Variants in VWA8 observed in about 807,000 individuals in gnomAD.
The protein encoded by VWA8 is von Willebrand factor A domain-containing protein 8.
Under a neutral mutation model 241.5 loss-of-function variants are expected in VWA8, and 221 were observed. The observed-to-expected ratio is 0.91, with a 90% CI of 0.82 to 1.02. The LOEUF is 1.02. Among genes scored for constraint, VWA8 ranks in the 50% least tolerant of loss-of-function variants. The probability of loss-of-function intolerance (pLI) is 0.00; values close to 1 mark genes in which losing one functional copy is unlikely to be tolerated. For missense variants in VWA8, 2,322 were observed against 2,328.7 expected, an observed-to-expected ratio of 1.00 and a Z score of 0.06; for synonymous variants, 852 against 827.1, an observed-to-expected ratio of 1.03 and a Z score of -0.52.
chr13:41,623,051 G>A (rs959287159), intron 37 of VWA8, among the ~76,000 whole-genome samples: 14 of 152,180 alleles, frequency 9.2e-5, no homozygotes, highest in South Asian at 6.2e-4. Flanking sequence ...GGGAAGCCAC[G>A]TGGTCTGAGA....
At chr13:41,698,083 T>C (rs2045226901) in intron 29 of VWA8, among the ~76,000 whole-genome samples, 1 of 152,264 alleles carries the variant, frequency 6.6e-6, no homozygotes, top group South Asian at 2.1e-4. Flanking sequence ...GCCTGCCTTA[T>C]TTTAAATTGC....
chr13:41,800,711 T>C (rs961624825), intron 17 of VWA8, among the ~76,000 whole-genome samples: 2 of 149,242 alleles, frequency 1.3e-5, no homozygotes, highest in African/African-American at 2.5e-5. Flanking sequence ...GAGAATGGCA[T>C]GAACCTGGGA....
Position 41,920,052 on chromosome 13 carries a change from C to T in VWA8, c.242-7884G>A, listed in dbSNP as rs115175272. On this transcript the variant is annotated intron_variant, in intron 2 of 44. Coordinates refer to ENST00000379310, the MANE Select transcript of VWA8 (RefSeq NM_015058.2). Reference sequence around the variant, plus strand: ...GCAGTAGACTGAGGCTGTACTGCTCCCTGTCCCCTGGGCCGTATCTGTGCC... The same window carrying T: ...GCAGTAGACTGAGGCTGTACTGCTCTCTGTCCCCTGGGCCGTATCTGTGCC... 1.7e-3 allele frequency among the ~76,000 whole-genome samples: 255 copies of T among 152,312 alleles called. 2 individuals are homozygous for T. The highest frequency in any genetic ancestry group is 5.6e-3 in the African/African-American group (234 of 41,564).
At chr13:41,570,751 CT>C in intron 43 of VWA8, 45 bp from the exon 44 acceptor site, 1 of 1,546,916 alleles carries the variant, frequency 6.5e-7, no homozygotes, top group South Asian at 1.1e-5. Flanking sequence ...TGAGAAACTT[CT>C]TTTTTAACAA....
intron 44 of VWA8, 124 bp downstream of exon 44, chr13:41,570,344 T>C (rs9566791): frequency 0.19 from 150,069 of 809,118 alleles, 16,472 homozygotes; most frequent in East Asian, 0.34. Context: ...GCTAGTAACT[T>C]TAGTTTCTGT....
At chr13:41,756,073 C>A (rs557100578) in intron 21 of VWA8, among the ~76,000 whole-genome samples, 4 of 151,678 alleles carry the variant, frequency 2.6e-5, no homozygotes, top group South Asian at 2.1e-4. Flanking sequence ...AAACCCCTGA[C>A]AAAACTGATT....
rs1247734358 is a variant in VWA8 at position 41,833,688 on chromosome 13, T to C, written c.1426-157A>G. On this transcript the variant is annotated intron_variant, in intron 12 of 44. Coordinates refer to ENST00000379310, the MANE Select transcript of VWA8 (RefSeq NM_015058.2). The stretch of plus-strand genomic sequence containing the variant: ...CTTCTCCAATTCCTAAAACGAAAGC[T>C]CTTCAGAAAGCTTTTTTTTGGTCAT... Among the ~76,000 whole-genome samples the C allele has an allele frequency of 1.3e-5, 2 of 152,148 alleles. 1 individual carries two copies. Among genetic ancestry groups the C allele is most frequent in the Non-Finnish European group, 2.9e-5 (2 of 68,022 alleles).
At chr13:41,697,443 C>T (rs1209769173) in intron 29 of VWA8, among the ~76,000 whole-genome samples, 1 of 152,176 alleles carries the variant, frequency 6.6e-6, no homozygotes, top group Non-Finnish European at 1.5e-5. Context: ...AGACTCTACA[C>T]CAGTGGCCCC....
intron 1 of VWA8, among the ~76,000 whole-genome samples, chr13:41,960,031 G>T (rs1378911891): frequency 6.6e-6 from 1 of 152,156 alleles, no homozygotes; most frequent in Non-Finnish European, 1.5e-5. Flanking sequence ...ACAAAATCTT[G>T]TCTGGAATCA....
chr13:41,896,202 A>G (rs188133139), intron 4 of VWA8, among the ~76,000 whole-genome samples: 5 of 152,022 alleles, frequency 3.3e-5, no homozygotes, highest in Admixed American at 2.6e-4. Context: ...TTGGAAAAAA[A>G]TTTTTTTTGC....
intron 37 of VWA8, among the ~76,000 whole-genome samples, chr13:41,648,163 CA>C (rs2044844364): frequency 6.6e-6 from 1 of 152,106 alleles, no homozygotes; most frequent in South Asian, 2.1e-4. Flanking sequence ...GTAGTCCCCT[CA>C]GTAAAGTGTC....
At chr13:41,893,577 T>A in intron 4 of VWA8, among the ~76,000 whole-genome samples, 1 of 152,020 alleles carries the variant, frequency 6.6e-6, no homozygotes, top group East Asian at 1.9e-4. Context: ...TAGAAATAGA[T>A]TCTGGGATAT....
chr13:41,759,900 C>T (rs886577307), intron 21 of VWA8, among the ~76,000 whole-genome samples: 4 of 151,646 alleles, frequency 2.6e-5, no homozygotes, highest in Non-Finnish European at 5.9e-5. Flanking sequence ...GTATTCCTCC[C>T]TCCCTCCCCA....
chr13:41,613,176 G>T (rs186956941), intron 38 of VWA8, among the ~76,000 whole-genome samples: 24 of 152,218 alleles, frequency 1.6e-4, no homozygotes, highest in Admixed American at 1.4e-3. Flanking sequence ...CTAAAACCAA[G>T]AACTCAATAT....
At chr13:41,854,908 A>T (rs564259274) in intron 12 of VWA8, among the ~76,000 whole-genome samples, 1 of 152,300 alleles carries the variant, frequency 6.6e-6, no homozygotes, top group South Asian at 2.1e-4. Context: ...AGTGCAAGAA[A>T]GCATGGAGTG....
chr13:41,801,316 T>C (rs1869951400), intron 17 of VWA8, among the ~76,000 whole-genome samples: 1 of 152,138 alleles, frequency 6.6e-6, no homozygotes, highest in Admixed American at 6.5e-5. Context: ...CTGAAGACAC[T>C]AAAGAGGAAT....
chr13:41,959,606 C>CTTTTTTTTTTTTT lies in VWA8; in HGVS notation c.163+1234_163+1246dup, dbSNP rs1168629617. Among the ~76,000 whole-genome samples the CTTTTTTTTTTTTT allele has an allele frequency of 2.5e-3, 201 of 79,632 alleles. 38 individuals carry two copies. The highest frequency in any genetic ancestry group is 3.5e-3 in the Non-Finnish European group (151 of 42,886). 52.2% of individuals were successfully genotyped at this position (79,632 alleles called of 152,430 possible). A position where few individuals can be genotyped will look rare whatever the true frequency, so the allele number is the denominator to read the frequency against. ...ACGAAATACGTGGGACCTAAATATGCTTTTTTTTTTTTTTTTTTTGAGATG... is the reference window on the plus strand; with the variant it reads ...ACGAAATACGTGGGACCTAAATATGCTTTTTTTTTTTTTTTTTTTTTTTTTTTTTTTTGAGATG... On this transcript the variant is annotated intron_variant, in intron 1 of 44. Transcript: ENST00000379310.
intron 37 of VWA8, among the ~76,000 whole-genome samples, chr13:41,651,859 T>C (rs892668038): frequency 6.6e-6 from 1 of 152,192 alleles, no homozygotes; most frequent in Non-Finnish European, 1.5e-5. Context: ...TGGAAGAGAA[T>C]GGGGCTTCAT....
At chr13:41,629,526 T>C (rs952889007) in intron 37 of VWA8, among the ~76,000 whole-genome samples, 1 of 152,208 alleles carries the variant, frequency 6.6e-6, no homozygotes. Context: ...TGCCCTAACC[T>C]GGTATGCTAA....
Sources: allele counts gnomAD v4.1 joint callset (sites outside exome capture counted in the v4.1 genomes callset), GRCh38; gene constraint gnomAD v4.1.1; transcripts MANE v1.5; gene names NCBI Gene and HGNC (gene_info 2026-07-23, HGNC 2026-07-21).